Variants in CAB39 observed in about 807,000 individuals in gnomAD.
CAB39 encodes calcium binding protein 39, also known as calcium-binding protein 39.
A neutral mutation model predicts 40.0 loss-of-function variants in CAB39; 8 were observed. The observed-to-expected ratio is 0.20, with a 90% CI of 0.12 to 0.36. The LOEUF is 0.36. CAB39 is among the 10% of genes least tolerant of loss of function. The pLI is 1.00. For synonymous variants in CAB39, 156 were observed against 141.6 expected, an observed-to-expected ratio of 1.10 and a Z score of -0.72; for missense variants, 270 against 401.1, an observed-to-expected ratio of 0.67 and a Z score of 2.79.
At chr2:230,755,710 T>G (rs1465647461) in intron 1 of CAB39, among the ~76,000 whole-genome samples, 4 of 152,224 alleles carry the variant, frequency 2.6e-5, no homozygotes, top group African/African-American at 9.6e-5. Context: ...GAATTTGGGT[T>G]TTATTCTAAG....
In CAB39 at chr2:230,730,898, T is replaced by C. The variant is rs115622467; in HGVS notation, c.-44+17668T>C. ...TTTACCTCAGTATAGTAAAAGCTTA[T>C]ACAAACTGATAACTGCCATTTATTA... On this transcript the variant is annotated intron_variant, in intron 1 of 8. Coordinates refer to ENST00000258418, the MANE Select transcript of CAB39 (RefSeq NM_016289.4). 4.7e-3 allele frequency among the ~76,000 whole-genome samples: 719 copies of C among 152,364 alleles called. 4 individuals carry two copies. The highest frequency in any genetic ancestry group is 0.016 in the African/African-American group (674 of 41,598).
chr2:230,748,052 G>A (rs1474703787), intron 1 of CAB39, among the ~76,000 whole-genome samples: 1 of 151,612 alleles, frequency 6.6e-6, no homozygotes, highest in Non-Finnish European at 1.5e-5. Context: ...GATCCAGAGA[G>A]GGCCCATGCA....
At chr2:230,787,333 T>C (rs1695810472) in intron 2 of CAB39, among the ~76,000 whole-genome samples, 1 of 152,200 alleles carries the variant, frequency 6.6e-6, no homozygotes, top group South Asian at 2.1e-4. Context: ...CTTTCCAGCA[T>C]TTTAGTCAAT....
chr2:230,728,826 T>C (rs1188271905), intron 1 of CAB39, among the ~76,000 whole-genome samples: 1 of 152,178 alleles, frequency 6.6e-6, no homozygotes, highest in Non-Finnish European at 1.5e-5. Context: ...TTTCCTAGAT[T>C]GGTCTCGAAC....
intron 1 of CAB39, among the ~76,000 whole-genome samples, chr2:230,724,751 CT>C (rs576437702): frequency 0.065 from 7,251 of 111,706 alleles, 419 homozygotes; most frequent in African/African-American, 0.2. Context: ...CTCGTTTAAT[CT>C]TTTTTTTTTT....
chr2:230,750,283 C>G (rs1695062948), intron 1 of CAB39, among the ~76,000 whole-genome samples: 1 of 152,162 alleles, frequency 6.6e-6, no homozygotes, highest in African/African-American at 2.4e-5. Flanking sequence ...ATTGAGTTCT[C>G]ACTGTTTTGG....
At chr2:230,816,100 C>G (rs1220432917) in intron 7 of CAB39, among the ~76,000 whole-genome samples, 1 of 152,100 alleles carries the variant, frequency 6.6e-6, no homozygotes, top group African/African-American at 2.4e-5. Context: ...ATGGTGAAAC[C>G]CTGTCTCTAG....
chr2:230,814,054 C>T lies in CAB39; in HGVS notation c.633C>T (p.Phe211=), dbSNP rs1696356120. 1.3e-6 allele frequency: 1 copy of T among 789,394 alleles called. No individual in the cohort carries two copies. The highest frequency in any genetic ancestry group is 1.7e-6 in the Non-Finnish European group (1 of 592,396). The allele number at this position is 789,394 out of a possible 1,614,324, so 48.9% of individuals were successfully genotyped here. ...TATGTTCTCTTATCTTTTAGTTTTT[C>T]AGTGAATATGAGAAGTTACTTCATT... ...EFLEQHYDRF[F]SEYEKLLHSE... is the part of the protein sequence containing the mutation. The change falls in exon 7 of 9, where the codon TTC becomes TTT. Residue 211 remains phenylalanine, a synonymous_variant. Coordinates refer to ENST00000258418, the MANE Select transcript of CAB39 (RefSeq NM_016289.4).
chr2:230,756,885 G>A (rs1003724403), intron 1 of CAB39, among the ~76,000 whole-genome samples: 2 of 152,122 alleles, frequency 1.3e-5, no homozygotes, highest in African/African-American at 2.4e-5. Flanking sequence ...TAGAGATGGG[G>A]TTTCACCATG....
chr2:230,725,396 G>T, intron 1 of CAB39: 1 of 1,599,098 alleles, frequency 6.3e-7, no homozygotes, highest in South Asian at 1.1e-5. Flanking sequence ...CTTTTGGGAG[G>T]TTGTCATCTT....
intron 1 of CAB39, chr2:230,752,084 G>A (rs1184366386): frequency 1.7e-5 from 2 of 116,816 alleles, no homozygotes; most frequent in African/African-American, 3.4e-5. Flanking sequence ...GAAACTAGCA[G>A]AAGGATATGC....
At chr2:230,762,080 G>T (rs961623471) in intron 2 of CAB39, among the ~76,000 whole-genome samples, 1 of 152,034 alleles carries the variant, frequency 6.6e-6, no homozygotes, top group African/African-American at 2.4e-5. Flanking sequence ...GCTAATTTTT[G>T]TAGTTTTAGT....
chr2:230,805,852 C>CGTA (rs1475886802), intron 5 of CAB39, among the ~76,000 whole-genome samples: 1 of 152,298 alleles, frequency 6.6e-6, no homozygotes, highest in East Asian at 1.9e-4. Flanking sequence ...AAACTTCTAG[C>CGTA]GAATTTCCAC....
chr2:230,726,231 C>T (rs774920971), intron 1 of CAB39, among the ~76,000 whole-genome samples: 10 of 151,996 alleles, frequency 6.6e-5, no homozygotes, highest in East Asian at 5.8e-4. Context: ...GGCATGATCT[C>T]GGCTCACTGC....
At chr2:230,810,384 G>C (rs1696283229) in intron 6 of CAB39, 62 bp downstream of exon 6, 9 of 628,136 alleles carry the variant, frequency 1.4e-5, no homozygotes, top group Non-Finnish European at 1.9e-5. Context: ...AGAAATGAAA[G>C]ACTTACATTA....
intron 1 of CAB39, among the ~76,000 whole-genome samples, chr2:230,715,014 T>C (rs1270528686): frequency 6.6e-6 from 1 of 152,190 alleles, no homozygotes; most frequent in African/African-American, 2.4e-5. Context: ...TTTAAAACAT[T>C]TTCTATAATC....
chr2:230,782,547 C>T (rs1695705433), intron 2 of CAB39, among the ~76,000 whole-genome samples: 1 of 151,768 alleles, frequency 6.6e-6, no homozygotes, highest in African/African-American at 2.4e-5. Context: ...GGAGCAAATA[C>T]TCTTCTTACT....
intron 1 of CAB39, among the ~76,000 whole-genome samples, chr2:230,729,987 T>C (rs1000934747): frequency 1.3e-5 from 2 of 152,224 alleles, no homozygotes; most frequent in Admixed American, 1.3e-4. Context: ...AGTGTAGTAT[T>C]GGCCAGAGAA....
At chr2:230,773,312 A>ATGTGTGTGTGTGTGTGTGTGTG (rs1321034177) in intron 2 of CAB39, among the ~76,000 whole-genome samples, 3 of 85,132 alleles carry the variant, frequency 3.5e-5, no homozygotes, top group South Asian at 3.7e-4. Context: ...ATATATATAT[A>ATGTGTGTGTGTGTGTGTGTGTG]TATGTGTGTG....
Sources: gnomAD v4.1 joint callset for allele counts (sites outside exome capture counted in the v4.1 genomes callset) on GRCh38, gnomAD v4.1.1 for gene constraint, MANE v1.5 for transcripts, NCBI Gene and HGNC (gene_info 2026-07-23, HGNC 2026-07-21) for gene names.